JPH3: variants seen among roughly 807,000 people sequenced by gnomAD.
JPH3 encodes junctophilin 3.
In JPH3, 11 loss-of-function variants were observed where a neutral mutation model predicts 59.6. The observed-to-expected ratio is 0.18, with a 90% CI of 0.12 to 0.31. JPH3 has a LOEUF of 0.31. Among genes scored for constraint, JPH3 ranks in the 10% least tolerant of loss-of-function variants. JPH3 has a pLI of 1.00. For synonymous variants in JPH3, 673 were observed against 483.6 expected (o/e 1.39, Z -5.14); for missense variants, 1,202 against 1,105.7 (o/e 1.09, Z -1.24).
At chr16:87,685,045 G>A (rs74039459) in intron 3 of JPH3, among the ~76,000 whole-genome samples, 7,531 of 152,256 alleles carry the variant, frequency 0.049, 598 homozygotes, top group African/African-American at 0.17. Flanking sequence ...GGCTCTGCGC[G>A]CTGGAGGTCC....
chr16:87,691,513 C>T (rs962682162), intron 4 of JPH3, among the ~76,000 whole-genome samples: 5 of 152,248 alleles, frequency 3.3e-5, no homozygotes, highest in South Asian at 2.1e-4. Flanking sequence ...CAGGGGGGAC[C>T]ATTGGTAGGT....
At chr16:87,680,700 C>G (rs1477020909) in intron 2 of JPH3, among the ~76,000 whole-genome samples, 1 of 152,198 alleles carries the variant, frequency 6.6e-6, no homozygotes, top group East Asian at 1.9e-4. Context: ...GCCATTACCC[C>G]TTGGAGAACT....
chr16:87,646,978 G>A (rs1448435472), intron 2 of JPH3, among the ~76,000 whole-genome samples: 1 of 152,192 alleles, frequency 6.6e-6, no homozygotes, highest in East Asian at 1.9e-4. Flanking sequence ...GAGCCCAGGT[G>A]GCATGGACAG....
intron 1 of JPH3, among the ~76,000 whole-genome samples, chr16:87,624,125 C>A (rs1340349224): frequency 1.3e-5 from 2 of 152,226 alleles, no homozygotes; most frequent in Admixed American, 6.5e-5. Context: ...AGAAAAAGGG[C>A]TCCAGTAAGT....
intron 1 of JPH3, among the ~76,000 whole-genome samples, chr16:87,617,992 G>A (rs117313376): frequency 0.023 from 3,549 of 151,984 alleles, 175 homozygotes; most frequent in Admixed American, 0.12. Flanking sequence ...ACGAAGCCCC[G>A]TCTCTACAGA....
At chr16:87,654,073 G>A (rs1276037140) in intron 2 of JPH3, 2 of 152,270 alleles carry the variant, frequency 1.3e-5, no homozygotes, top group African/African-American at 2.4e-5. Flanking sequence ...ATGGAGTTCT[G>A]GCCTTGTTTT....
In JPH3 at chr16:87,677,096, T is replaced by C. The variant is rs1027187478; in HGVS notation, c.1161-7046T>C. Among the ~76,000 whole-genome samples, 3 of 149,996 alleles carry C rather than the reference T, an allele frequency of 2.0e-5. No homozygotes were observed. The South Asian group carries it at 6.3e-4, about 31-fold the overall frequency. On this transcript the variant is annotated intron_variant, in intron 2 of 4. Transcript: ENST00000284262. The stretch of plus-strand genomic sequence containing the variant: ...ATGGCGTGAACCCGGGAGGTGGAGC[T>C]TACAGTGAGCTGAGATCGTGCCACT...
intron 1 of JPH3, among the ~76,000 whole-genome samples, chr16:87,616,249 T>G (rs1298840766): frequency 6.7e-6 from 1 of 149,482 alleles, no homozygotes; most frequent in Non-Finnish European, 1.5e-5. Flanking sequence ...TTTTTTTTTT[T>G]TTGAGACAGA....
intron 2 of JPH3, among the ~76,000 whole-genome samples, chr16:87,659,386 A>AAAAAAAAAAC (rs2032624514): frequency 8.6e-6 from 1 of 115,758 alleles, no homozygotes; most frequent in African/African-American, 3.0e-5. Flanking sequence ...AAAAAAAAAA[A>AAAAAAAAAAC]GAAAAAAAAA....
intron 3 of JPH3, 22 bp downstream of exon 3, chr16:87,684,288 A>G: frequency 6.2e-7 from 1 of 1,612,850 alleles, no homozygotes; most frequent in South Asian, 1.1e-5. Flanking sequence ...CGGGCCTGAT[A>G]CTGGCATCGT....
intron 2 of JPH3, among the ~76,000 whole-genome samples, chr16:87,669,492 T>C (rs536353244): frequency 1.3e-5 from 2 of 152,354 alleles, no homozygotes; most frequent in Admixed American, 6.5e-5. Flanking sequence ...ACACGTTGCC[T>C]GGCAGCCTCT....
intron 1 of JPH3, among the ~76,000 whole-genome samples, chr16:87,642,908 A>G (rs2032002719): frequency 6.6e-6 from 1 of 152,212 alleles, no homozygotes; most frequent in South Asian, 2.1e-4. Flanking sequence ...GAAATACAGA[A>G]TGTACCACGT....
At chr16:87,628,414 G>T (rs1597245133) in intron 1 of JPH3, among the ~76,000 whole-genome samples, 1 of 152,264 alleles carries the variant, frequency 6.6e-6, no homozygotes, top group South Asian at 2.1e-4. Context: ...TCCTGAGTGA[G>T]TGAGGGAGGG....
At chr16:87,618,282 CGA>C (rs1385363400) in intron 1 of JPH3, among the ~76,000 whole-genome samples, 1 of 152,064 alleles carries the variant, frequency 6.6e-6, no homozygotes, top group Non-Finnish European at 1.5e-5. Context: ...CCCCAGGACT[CGA>C]GAAGTGGGCA....
intron 2 of JPH3, 199 bp from the exon 3 acceptor site, chr16:87,683,943 G>A (rs1020998056): frequency 6.8e-6 from 4 of 585,656 alleles, no homozygotes; most frequent in Non-Finnish European, 1.2e-5. Flanking sequence ...CACTGGGCCT[G>A]GTTGGTTGAT....
At chr16:87,657,867 G>T (rs927162407) in intron 2 of JPH3, among the ~76,000 whole-genome samples, 1 of 152,310 alleles carries the variant, frequency 6.6e-6, no homozygotes, top group African/African-American at 2.4e-5. Flanking sequence ...CCTTAGTCTG[G>T]GGGCATGTGC....
chr16:87,696,171 C>T, intron 4 of JPH3: 1 of 454,716 alleles, frequency 2.2e-6, no homozygotes. Flanking sequence ...CCATGCGGGC[C>T]CTTCTGAGAT....
chr16:87,636,760 C>T lies in JPH3; in HGVS notation c.383-7498C>T, dbSNP rs145144379. ...AAACACGGGGCAGGAAAGACTCCGG[C>T]GACCCTCATTACACTGTGCCGGGAG... On this transcript the variant is annotated intron_variant, in intron 1 of 4. Coordinates refer to ENST00000284262, the MANE Select transcript of JPH3 (RefSeq NM_020655.4). 1.2e-4 allele frequency among the ~76,000 whole-genome samples: 18 copies of T among 152,336 alleles called. No homozygotes were observed. The East Asian group carries it at 3.1e-3, about 26-fold the overall frequency.
At chr16:87,639,355 C>T (rs759913290) in intron 1 of JPH3, among the ~76,000 whole-genome samples, 15 of 152,108 alleles carry the variant, frequency 9.9e-5, no homozygotes, top group Non-Finnish European at 1.8e-4. Flanking sequence ...CAGAGCCTTC[C>T]GCACCTCATG....
Sources: allele counts gnomAD v4.1 joint callset (sites outside exome capture counted in the v4.1 genomes callset), GRCh38; gene constraint gnomAD v4.1.1; transcripts MANE v1.5; gene names NCBI Gene and HGNC (gene_info 2026-07-23, HGNC 2026-07-21).